LIPC: variants seen among roughly 807,000 people sequenced by gnomAD.
The protein encoded by LIPC is hepatic triacylglycerol lipase.
In LIPC, 44 loss-of-function variants were observed where a neutral mutation model predicts 50.7. The ratio of observed to expected loss-of-function variants is 0.87; its 90% CI spans 0.68 to 1.11. The LOEUF is 1.11. Among genes scored for constraint, LIPC ranks in the 50% most tolerant of loss-of-function variants. The pLI is 0.00. For synonymous variants in LIPC, 271 were observed against 256.4 expected, an observed-to-expected ratio of 1.06 and a Z score of -0.54; for missense variants, 697 against 648.2, an observed-to-expected ratio of 1.08 and a Z score of -0.82.
chr15:58,554,423 G>A (rs186391312), intron 6 of LIPC, among the ~76,000 whole-genome samples: 44 of 152,226 alleles, frequency 2.9e-4, no homozygotes, highest in African/African-American at 8.4e-4. Context: ...ATTTTTTAAC[G>A]TCCTTATTAA....
intron 1 of LIPC, among the ~76,000 whole-genome samples, chr15:58,520,010 G>A (rs1892605243): frequency 6.6e-6 from 1 of 151,996 alleles, no homozygotes; most frequent in Non-Finnish European, 1.5e-5. Context: ...CGTAGAAAGA[G>A]CATTAGATGG....
At chr15:58,482,354 C>G (rs1891215525) in intron 1 of LIPC, among the ~76,000 whole-genome samples, 1 of 152,152 alleles carries the variant, frequency 6.6e-6, no homozygotes, top group Non-Finnish European at 1.5e-5. Flanking sequence ...CCACCCTCTC[C>G]AGCTCATGCT....
chr15:58,437,051 T>C, intron 1 of LIPC: 1 of 359,948 alleles, frequency 2.8e-6, no homozygotes, highest in African/African-American at 2.1e-5. Flanking sequence ...AAGTCCAACT[T>C]CGAACAGGCA....
chr15:58,445,144 C>A (rs1254367089), intron 1 of LIPC, among the ~76,000 whole-genome samples: 1 of 152,172 alleles, frequency 6.6e-6, no homozygotes, highest in Admixed American at 6.5e-5. Context: ...AGGCATCCTC[C>A]CTCTTCAACA....
At chr15:58,555,934 G>T (rs939014169) in intron 6 of LIPC, among the ~76,000 whole-genome samples, 1 of 152,118 alleles carries the variant, frequency 6.6e-6, no homozygotes, top group African/African-American at 2.4e-5. Flanking sequence ...CCCTCCAGTG[G>T]TCACACCCAA....
intron 5 of LIPC, among the ~76,000 whole-genome samples, chr15:58,547,615 G>C (rs1052889522): frequency 2.0e-5 from 3 of 148,812 alleles, no homozygotes; most frequent in Admixed American, 1.4e-4. Flanking sequence ...CACAGATTAG[G>C]TTAAAATTTG....
intron 1 of LIPC, among the ~76,000 whole-genome samples, chr15:58,498,337 T>TA (rs1244539919): frequency 1.3e-5 from 2 of 152,164 alleles, no homozygotes; most frequent in Non-Finnish European, 2.9e-5. Flanking sequence ...AACAAATTCC[T>TA]GGTGATGTTG....
chr15:58,485,581 C>T (rs1234277135), intron 1 of LIPC, among the ~76,000 whole-genome samples: 2 of 147,972 alleles, frequency 1.4e-5, no homozygotes, highest in Non-Finnish European at 3.0e-5. Context: ...TAAGATTCAG[C>T]TTGAAAGTCT....
chr15:58,505,925 C>T (rs1428761127), intron 1 of LIPC, among the ~76,000 whole-genome samples: 3 of 152,082 alleles, frequency 2.0e-5, no homozygotes, highest in Non-Finnish European at 4.4e-5. Flanking sequence ...TACCCGCGAG[C>T]TCCCTCCTCA....
At chr15:58,546,753 C>CTCA (rs1893542868) in intron 5 of LIPC, among the ~76,000 whole-genome samples, 1 of 152,170 alleles carries the variant, frequency 6.6e-6, no homozygotes, top group East Asian at 1.9e-4. Context: ...TACAAGCCAC[C>CTCA]TCACCCTGAT....
intron 1 of LIPC, among the ~76,000 whole-genome samples, chr15:58,531,645 C>A (rs7164832): frequency 0.28 from 13,663 of 49,640 alleles, 2,162 homozygotes; most frequent in African/African-American, 0.46. Context: ...AAAAAAAAAA[C>A]CCCAGAATAA....
At chr15:58,516,195 C>G (rs1297705506) in intron 1 of LIPC, among the ~76,000 whole-genome samples, 1 of 139,442 alleles carries the variant, frequency 7.2e-6, no homozygotes, top group Non-Finnish European at 1.5e-5. Flanking sequence ...GAATTCTTAT[C>G]TTTGTCACTG....
chr15:58,525,142 A>G (rs1482767810), intron 1 of LIPC, among the ~76,000 whole-genome samples: 1 of 152,138 alleles, frequency 6.6e-6, no homozygotes, highest in African/African-American at 2.4e-5. Flanking sequence ...ATCTTTTTCC[A>G]GATCTCCCAA....
chr15:58,509,185 G>T (rs1187709299), intron 1 of LIPC, among the ~76,000 whole-genome samples: 1 of 152,180 alleles, frequency 6.6e-6, no homozygotes, highest in Non-Finnish European at 1.5e-5. Flanking sequence ...AATCCACTGT[G>T]AATGGTTTAG....
intron 1 of LIPC, among the ~76,000 whole-genome samples, chr15:58,480,097 AAC>A (rs1174741127): frequency 2.0e-5 from 3 of 152,204 alleles, no homozygotes; most frequent in Non-Finnish European, 4.4e-5. Flanking sequence ...CTTAAAAATT[AAC>A]AGTCTGTTCC....
chr15:58,469,776 C>T (rs2140736511), intron 1 of LIPC, among the ~76,000 whole-genome samples: 1 of 152,302 alleles, frequency 6.6e-6, no homozygotes, highest in East Asian at 1.9e-4. Context: ...ATTCCAGTTA[C>T]TAACAAAGCT....
chr15:58,510,514 T>C (rs1435560422), intron 1 of LIPC, among the ~76,000 whole-genome samples: 1 of 152,232 alleles, frequency 6.6e-6, no homozygotes, highest in Non-Finnish European at 1.5e-5. Context: ...TAACAAAAAG[T>C]GTTTTATGAA....
chr15:58,447,600 A>T (rs1893745462), intron 1 of LIPC, among the ~76,000 whole-genome samples: 2 of 152,228 alleles, frequency 1.3e-5, no homozygotes, highest in Non-Finnish European at 2.9e-5. Context: ...GACCTCAATG[A>T]GAGTTTTAAG....
At chr15:58,460,584 C>T (rs772207603) in intron 1 of LIPC, among the ~76,000 whole-genome samples, 2 of 152,218 alleles carry the variant, frequency 1.3e-5, no homozygotes, top group South Asian at 4.1e-4. Flanking sequence ...CTGCTCTCCA[C>T]GGCTGGGAAA....
Sources: allele counts gnomAD v4.1 joint callset (sites outside exome capture counted in the v4.1 genomes callset), GRCh38; gene constraint gnomAD v4.1.1; transcripts MANE v1.5; gene names NCBI Gene and HGNC (gene_info 2026-07-23, HGNC 2026-07-21).